CIMAP1A: variants seen among roughly 807,000 people sequenced by gnomAD.
CIMAP1A encodes cancer/testis antigen 135.
At chr11:197,772 C>G in the CIMAP1A span, 2 of 1,612,344 alleles carry the variant, frequency 1.2e-6, no homozygotes. Flanking sequence ...GTTAGTGACC[C>G]TGTCTCAGGC....
the CIMAP1A span, chr11:199,286 T>C: frequency 6.6e-7 from 1 of 1,525,358 alleles, no homozygotes; most frequent in Non-Finnish European, 8.8e-7. Context: ...CCCTGTTGAC[T>C]CAGAGCCTGA....
the CIMAP1A span, chr11:197,885 C>T: frequency 6.7e-7 from 1 of 1,486,130 alleles, no homozygotes; most frequent in South Asian, 1.3e-5. Flanking sequence ...CCCTCCCGTC[C>T]CATCTTTCTC....
chr11:197,681 T>C, the CIMAP1A span: 8 of 1,613,638 alleles, frequency 5.0e-6, no homozygotes, highest in African/African-American at 1.1e-4. Flanking sequence ...CCCAAGATAC[T>C]GAGGACTGGC....
At chr11:199,034 C>T in the CIMAP1A span, 11 of 1,220,982 alleles carry the variant, frequency 9.0e-6, no homozygotes, top group South Asian at 8.3e-5. Flanking sequence ...CAACAGCCCT[C>T]GTCCATGTTG....
chr11:199,152 C>T, the CIMAP1A span: 13 of 1,408,430 alleles, frequency 9.2e-6, no homozygotes, highest in Non-Finnish European at 1.2e-5. Flanking sequence ...CCATTGCCAG[C>T]GTGAGGCTGA....
chr11:199,866 A>G, the CIMAP1A span: 1 of 1,561,286 alleles, frequency 6.4e-7, no homozygotes, highest in Non-Finnish European at 8.7e-7. Flanking sequence ...GAAGGACAGC[A>G]GCCCAGCCCC....
the CIMAP1A span, chr11:197,936 G>T: frequency 6.6e-7 from 1 of 1,506,148 alleles, no homozygotes; most frequent in Non-Finnish European, 8.9e-7. Context: ...AGAAGACTCT[G>T]GCCCAAGAGT....
the CIMAP1A span, chr11:198,199 G>C: frequency 6.2e-7 from 1 of 1,613,500 alleles, no homozygotes; most frequent in Non-Finnish European, 8.5e-7. Context: ...CCTTGTCCAG[G>C]TGACTACTTT....
chr11:197,612 G>A, the CIMAP1A span: 29 of 1,613,334 alleles, frequency 1.8e-5, no homozygotes, highest in Admixed American at 3.3e-5. Context: ...TACAGCTTCC[G>A]TGGGGCCCCC....
the CIMAP1A span, chr11:197,653 C>G: frequency 6.2e-7 from 1 of 1,613,632 alleles, no homozygotes; most frequent in Non-Finnish European, 8.5e-7. Context: ...CTCCCCAGGG[C>G]CCCGTTACAA....
At chr11:199,162 A>T in the CIMAP1A span, 1 of 1,418,144 alleles carries the variant, frequency 7.1e-7, no homozygotes, top group South Asian at 1.5e-5. Context: ...CGTGAGGCTG[A>T]AATGGAGGAA....
chr11:198,069 G>A, the CIMAP1A span: 14 of 1,545,964 alleles, frequency 9.1e-6, no homozygotes, highest in African/African-American at 5.5e-5. Flanking sequence ...CCCCTGACCC[G>A]ACTTGGTCAC....
chr11:197,397 G>C, the CIMAP1A span: 1 of 1,601,906 alleles, frequency 6.2e-7, no homozygotes, highest in Non-Finnish European at 8.5e-7. Context: ...CCAAGTACCT[G>C]ATTCCACCAA....
At chr11:199,046 T>G in the CIMAP1A span, 1 of 1,225,098 alleles carries the variant, frequency 8.2e-7, no homozygotes. Flanking sequence ...TCCATGTTGA[T>G]TTTGCCAGCC....
the CIMAP1A span, chr11:200,042 C>T: frequency 1.3e-5 from 21 of 1,612,364 alleles, no homozygotes; most frequent in Non-Finnish European, 1.2e-5. Context: ...AACGCCAGCC[C>T]TGCTGTGCCC....
the CIMAP1A span, chr11:198,604 G>A: frequency 1.3e-6 from 2 of 1,588,224 alleles, no homozygotes; most frequent in East Asian, 4.5e-5. Flanking sequence ...CACCCCAACT[G>A]AGAACAGAGA....
the CIMAP1A span, chr11:198,131 CT>C: frequency 6.4e-7 from 1 of 1,571,516 alleles, no homozygotes; most frequent in South Asian, 1.2e-5. Flanking sequence ...GGGAGTCCTC[CT>C]TGAGCCCCCA....
chr11:199,137 G>A, the CIMAP1A span: 2 of 1,398,216 alleles, frequency 1.4e-6, no homozygotes, highest in Non-Finnish European at 1.9e-6. Context: ...CACACACTGG[G>A]GATGCCATTG....
the CIMAP1A span, chr11:197,311 G>A: frequency 2.5e-6 from 4 of 1,577,708 alleles, no homozygotes; most frequent in African/African-American, 4.1e-5. Context: ...GGCCATGACG[G>A]AGGAGGTATG....
Sources: allele counts gnomAD v4.1 joint callset, GRCh38; gene constraint gnomAD v4.1.1; transcripts MANE v1.5; gene names NCBI Gene and HGNC (gene_info 2026-07-23, HGNC 2026-07-21).